Variants in RANBP10 observed in about 807,000 individuals in gnomAD.
RANBP10 encodes the protein ran-binding protein 10.
RANBP10 carries 24 observed loss-of-function variants against 72.8 expected under a neutral mutation model. That is an observed-to-expected ratio of 0.33 (90% CI 0.24 to 0.46). RANBP10 has a LOEUF of 0.46. RANBP10 is among the 20% of genes least tolerant of loss of function. RANBP10 has a pLI of 1.00. For missense variants in RANBP10, 679 were observed against 817.5 expected, an observed-to-expected ratio of 0.83 and a Z score of 2.07; for synonymous variants, 310 against 322.3, an observed-to-expected ratio of 0.96 and a Z score of 0.41.
At chr16:67,727,631 T>G (rs1201477438) in intron 12 of RANBP10, 120 bp downstream of exon 12, 5 of 1,499,504 alleles carry the variant, frequency 3.3e-6, no homozygotes, top group Non-Finnish European at 3.6e-6. Context: ...ATGCCCCACT[T>G]CCCTCTGCAG....
rs1254754682 is a variant in RANBP10, at chr16:67,729,609, G to A, written c.1147+71C>T. On this transcript the variant is annotated intron_variant, in intron 9 of 13. Coordinates refer to ENST00000317506, the MANE Select transcript of RANBP10 (RefSeq NM_020850.3). This position sits in a 1 kb window ranked among gnomAD's most constrained non-coding sequence, Gnocchi z 7.1. Reference sequence around the variant, plus strand: ...AGCAGTGAGCCCTGAGCCCAGCCCAGGAAAGGGTATGTGGAGTGGCCTCTC... The same window carrying A: ...AGCAGTGAGCCCTGAGCCCAGCCCAAGAAAGGGTATGTGGAGTGGCCTCTC... 1.3e-6 allele frequency: 2 copies of A among 1,560,922 alleles called. No individual in the cohort carries two copies. The highest frequency in any genetic ancestry group is 1.4e-5 in the African/African-American group (1 of 73,506).
intron 2 of RANBP10, among the ~76,000 whole-genome samples, chr16:67,784,373 T>C (rs2054869058): frequency 6.6e-6 from 1 of 151,846 alleles, no homozygotes; most frequent in South Asian, 2.1e-4. Flanking sequence ...AATACAAAAT[T>C]AGGCCAGGCC....
chr16:67,787,229 ACTCTAT>A (rs1158233649), intron 2 of RANBP10, among the ~76,000 whole-genome samples: 1 of 152,210 alleles, frequency 6.6e-6, no homozygotes, highest in East Asian at 1.9e-4. Flanking sequence ...ACAGAGTGAG[ACTCTAT>A]CTCAATCAAT....
intron 3 of RANBP10, among the ~76,000 whole-genome samples, chr16:67,747,793 T>C (rs1009523014): frequency 1.3e-5 from 2 of 149,698 alleles, no homozygotes; most frequent in African/African-American, 4.9e-5. Context: ...GCATGAGCCA[T>C]GGCGCTTGGC....
At chr16:67,800,336 T>C (rs1053012081) in intron 2 of RANBP10, among the ~76,000 whole-genome samples, 1 of 152,154 alleles carries the variant, frequency 6.6e-6, no homozygotes, top group South Asian at 2.1e-4. Context: ...TGCCTTCCAG[T>C]GCTCTAGCCC....
intron 2 of RANBP10, among the ~76,000 whole-genome samples, chr16:67,793,153 A>G (rs1238262999): frequency 6.6e-6 from 1 of 150,652 alleles, no homozygotes; most frequent in Non-Finnish European, 1.5e-5. Context: ...CAGGGGTCTA[A>G]CCTCCACCTC....
chr16:67,775,168 A>G (rs1321376560), intron 2 of RANBP10, among the ~76,000 whole-genome samples: 1 of 151,970 alleles, frequency 6.6e-6, no homozygotes, highest in Non-Finnish European at 1.5e-5. Flanking sequence ...AAAAATTAGC[A>G]GGGTGTGGTG....
At position 67,805,552 on chromosome 16, in the gene RANBP10, G is replaced by A. The variant is rs748786054; in HGVS notation, c.236-13C>T. On this transcript the variant is annotated splice_polypyrimidine_tract_variant and intron_variant, in intron 1 of 13. Transcript: ENST00000317506. Reference sequence around the variant, plus strand: ...TTTTTGCCATGACCTAACAGGAGAGGGCAAGTAAGAAATTTCAGCAGAAGG... The same window carrying A: ...TTTTTGCCATGACCTAACAGGAGAGAGCAAGTAAGAAATTTCAGCAGAAGG... 3.1e-6 allele frequency: 5 copies of A among 1,608,240 alleles called. No individual in the cohort carries two copies. The highest frequency in any genetic ancestry group is 1.1e-5 in the South Asian group (1 of 90,290).
Position 67,737,192 on chromosome 16 carries a change from C to CTTTTT in RANBP10, c.591+816_591+820dup, listed in dbSNP as rs71145979. Among the ~76,000 whole-genome samples the CTTTTT allele has an allele frequency of 2.4e-3, 180 of 75,960 alleles. 18 individuals are homozygous for CTTTTT. Among genetic ancestry groups the CTTTTT allele is most frequent in the African/African-American group, 1.0e-2 (160 of 16,052 alleles). The allele number at this position is 75,960 out of a possible 152,430, so 49.8% of individuals were successfully genotyped here. A position where few individuals can be genotyped will look rare whatever the true frequency, so the allele number is the denominator to read the frequency against. ...AGCAAGCAGAAAACTCCATCCTTTT[C>CTTTTT]TTTTTTTTTTTTTTTTTTTTTTTTT... On this transcript the variant is annotated intron_variant, in intron 5 of 13. Coordinates refer to ENST00000317506, the MANE Select transcript of RANBP10 (RefSeq NM_020850.3).
At chr16:67,776,461 CAAAAAAAA>C (rs149876935) in intron 2 of RANBP10, among the ~76,000 whole-genome samples, 9 of 37,896 alleles carry the variant, frequency 2.4e-4, no homozygotes, top group African/African-American at 5.7e-4. Context: ...GACTCCATCT[CAAAAAAAA>C]AAAAAAAAAA....
chr16:67,800,737 C>T (rs147236979), intron 2 of RANBP10, among the ~76,000 whole-genome samples: 58 of 152,258 alleles, frequency 3.8e-4, no homozygotes, highest in African/African-American at 1.1e-3. Flanking sequence ...TCAAACACAG[C>T]CCCTCCTACT....
Position 67,727,399 on chromosome 16 carries a change from A to G in RANBP10, c.1660T>C (p.Cys554Arg). Residue 554 changes from cysteine (C) to arginine (R), a missense_variant, in exon 13 of 14, where the codon TGC becomes CGC. By Grantham distance (180) the Cys-to-Arg change is radical. Coordinates refer to ENST00000317506, the MANE Select transcript of RANBP10 (RefSeq NM_020850.3). ...GGGTCAAGCTGCTGGCCAACTGGGCAGCTCCAGGGGTCTGAGTATGCCAGC... is the reference window on the plus strand; with the variant it reads ...GGGTCAAGCTGCTGGCCAACTGGGCGGCTCCAGGGGTCTGAGTATGCCAGC... ...SLLAYSDPWSCPVGQQLDPIQ... is the reference protein window; with the variant it reads ...SLLAYSDPWSRPVGQQLDPIQ... The G allele has an allele frequency of 6.2e-7, 1 of 1,614,044 alleles. No individual in the cohort carries two copies. Among genetic ancestry groups the G allele is most frequent in the Non-Finnish European group, 8.5e-7 (1 of 1,179,964 alleles).
Position 67,726,342 on chromosome 16 carries a change from T to C in RANBP10, c.*86A>G. The stretch of plus-strand genomic sequence containing the variant: ...GTGGACTCTGTCTATGGTTTCCCAG[T>C]CCCTGCACCAGTTGCCTATGGAGGG... On this transcript the variant is annotated 3_prime_UTR_variant, in exon 14 of 14. Transcript: ENST00000317506. 1.3e-6 allele frequency: 2 copies of C among 1,578,804 alleles called. No individual in the cohort carries two copies. The highest frequency in any genetic ancestry group is 1.3e-5 in the African/African-American group (1 of 74,406).
intron 4 of RANBP10, among the ~76,000 whole-genome samples, chr16:67,743,973 T>G (rs552265890): frequency 6.6e-6 from 1 of 152,126 alleles, no homozygotes; most frequent in East Asian, 1.9e-4. Flanking sequence ...ACGCAACCTA[T>G]GCAAGGGTTC....
chr16:67,726,671 T>C (rs2053608058), intron 13 of RANBP10, 113 bp from the exon 14 acceptor site: 1 of 1,266,654 alleles, frequency 7.9e-7, no homozygotes, highest in South Asian at 1.5e-5. Context: ...TGGAACAGAG[T>C]GTTCAGTACC....
At chr16:67,765,250 G>C (rs1350179264) in intron 3 of RANBP10, among the ~76,000 whole-genome samples, 1 of 148,726 alleles carries the variant, frequency 6.7e-6, no homozygotes, top group African/African-American at 2.5e-5. Flanking sequence ...AAATTAGCCA[G>C]GTGCAGTAGC....
chr16:67,789,497 T>C (rs2054984531), intron 2 of RANBP10, among the ~76,000 whole-genome samples: 1 of 150,670 alleles, frequency 6.6e-6, no homozygotes, highest in South Asian at 2.1e-4. Flanking sequence ...TGAGATGGAG[T>C]CTCACTCTGT....
At chr16:67,754,261 C>T (rs752074341) in intron 3 of RANBP10, among the ~76,000 whole-genome samples, 2 of 152,198 alleles carry the variant, frequency 1.3e-5, no homozygotes, top group Middle Eastern at 3.4e-3. Flanking sequence ...AAGATGGTGG[C>T]AGGTCCAGGG....
intron 7 of RANBP10, chr16:67,731,101 A>T: frequency 3.8e-6 from 1 of 265,158 alleles, no homozygotes; most frequent in East Asian, 1.2e-4. Flanking sequence ...AATAAGCAGA[A>T]CTACTAAGGC....
Sources: gnomAD v4.1 joint callset for allele counts (sites outside exome capture counted in the v4.1 genomes callset) on GRCh38, gnomAD v4.1.1 for gene constraint, Gnocchi (gnomAD v3.1) non-coding constraint, MANE v1.5 for transcripts, NCBI Gene and HGNC (gene_info 2026-07-23, HGNC 2026-07-21) for gene names.